The following UNC5D variants were observed in gnomAD, a reference collection of about 807,000 sequenced individuals.
UNC5D encodes netrin receptor UNC5D.
A neutral mutation model predicts 105.4 loss-of-function variants in UNC5D; 39 were observed. The observed-to-expected ratio is 0.37, with a 90% CI of 0.29 to 0.48. The LOEUF (loss-of-function observed/expected upper bound fraction) is 0.48, where lower values mean the gene tolerates loss of function less well. Ranked by LOEUF, UNC5D falls within the 20% of genes least tolerant of loss-of-function variation. The probability of loss-of-function intolerance (pLI) is 0.98; values close to 1 mark genes in which losing one functional copy is unlikely to be tolerated. For missense variants in UNC5D, 991 were observed against 1,202.4 expected, an observed-to-expected ratio of 0.82 and a Z score of 2.60; for synonymous variants, 452 against 450.4, an observed-to-expected ratio of 1.00 and a Z score of -0.04.
chr8:35,326,924 G>A (rs961955038), intron 1 of UNC5D, among the ~76,000 whole-genome samples: 1 of 152,196 alleles, frequency 6.6e-6, no homozygotes, highest in Non-Finnish European at 1.5e-5. Context: ...GATACAAAAA[G>A]AAGGAAGGGT....
intron 14 of UNC5D, among the ~76,000 whole-genome samples, chr8:35,766,304 T>G (rs1349273020): frequency 2.0e-5 from 3 of 152,082 alleles, no homozygotes; most frequent in Admixed American, 6.5e-5. Flanking sequence ...GCCCTGTATG[T>G]GTCTGTCTGT....
chr8:35,588,574 T>G (rs1360819578), intron 3 of UNC5D, among the ~76,000 whole-genome samples: 1 of 152,200 alleles, frequency 6.6e-6, no homozygotes, highest in Non-Finnish European at 1.5e-5. Context: ...CTCTTAATTG[T>G]TTGTTTAATA....
chr8:35,416,215 A>G (rs1351318871), intron 1 of UNC5D, among the ~76,000 whole-genome samples: 1 of 152,090 alleles, frequency 6.6e-6, no homozygotes, highest in African/African-American at 2.4e-5. Flanking sequence ...AAGCATAACC[A>G]TAGGGAGACT....
rs76271318 is a variant in UNC5D at position 35,690,536 on chromosome 8, G to C, written c.1084+3827G>C. ...GCCTGTAGTCCCAGCTGCTCTGGAA[G>C]CTGAGGTGTGAGGATGAAGCTGCAG... On this transcript the variant is annotated intron_variant, in intron 7 of 16. Coordinates refer to ENST00000404895, the MANE Select transcript of UNC5D (RefSeq NM_080872.4). Among the ~76,000 whole-genome samples the C allele has an allele frequency of 6.1e-3, 922 of 152,344 alleles. 4 individuals carry two copies. The highest frequency in any genetic ancestry group is 0.021 in the African/African-American group (873 of 41,578).
chr8:35,481,198 C>T (rs1810458197), intron 1 of UNC5D, among the ~76,000 whole-genome samples: 1 of 152,152 alleles, frequency 6.6e-6, no homozygotes, highest in Non-Finnish European at 1.5e-5. Context: ...TGACCTTTAA[C>T]ATTGAATAAA....
chr8:35,288,222 A>G (rs574428146), intron 1 of UNC5D, among the ~76,000 whole-genome samples: 1 of 152,282 alleles, frequency 6.6e-6, no homozygotes, highest in South Asian at 2.1e-4. Context: ...AGCATATCAC[A>G]TTCAAGGGAG....
In UNC5D at chr8:35,632,583, C is replaced by T. The variant is rs143161067; in HGVS notation, c.570+36926C>T. Among the ~76,000 whole-genome samples the T allele has an allele frequency of 1.2e-4, 18 of 152,308 alleles. No individual in the cohort carries two copies. The East Asian group carries it at 1.5e-3, about 13-fold the overall frequency. ...ATCCCTGTGCTGTTGCTGCTGCATG[C>T]GGAGGTAAGAGGAGAAATTGGATTT... On this transcript the variant is annotated intron_variant, in intron 4 of 16. Transcript: ENST00000404895.
At chr8:35,330,198 T>C (rs1338999455) in intron 1 of UNC5D, among the ~76,000 whole-genome samples, 1 of 152,246 alleles carries the variant, frequency 6.6e-6, no homozygotes, top group African/African-American at 2.4e-5. Flanking sequence ...GTACATATTA[T>C]AGTTTCCTTG....
chr8:35,747,068 G>A (rs956142041), intron 11 of UNC5D, among the ~76,000 whole-genome samples: 5 of 152,106 alleles, frequency 3.3e-5, no homozygotes, highest in South Asian at 4.2e-4. Flanking sequence ...TGTTTTGCTC[G>A]TATAGGAAGA....
At position 35,338,290 on chromosome 8, in the gene UNC5D, T is replaced by A. The variant is rs566208678; in HGVS notation, c.103+102403T>A. Among the ~76,000 whole-genome samples, 11 of 152,014 alleles carry A rather than the reference T, an allele frequency of 7.2e-5. No homozygotes were observed. In the South Asian group the frequency reaches 1.0e-3, roughly 14 times the overall value. The stretch of plus-strand genomic sequence containing the variant: ...TCGTCAAATTTGCTATTCTTCAGGG[T>A]TTTTTTTCTTTTATGTTGAACAACT... On this transcript the variant is annotated intron_variant, in intron 1 of 16. Coordinates refer to ENST00000404895, the MANE Select transcript of UNC5D (RefSeq NM_080872.4).
At chr8:35,290,535 C>T (rs1806970609) in intron 1 of UNC5D, among the ~76,000 whole-genome samples, 1 of 151,964 alleles carries the variant, frequency 6.6e-6, no homozygotes, top group African/African-American at 2.4e-5. Flanking sequence ...TACCAAGTTT[C>T]TAATAGACAG....
rs987561908 is a variant in UNC5D, at chr8:35,469,844, A to C, written c.104-79448A>C. ...TTTGTATCTTATGAGAGGAACAAAT[A>C]TCAAAATATGATACAGCTTTAGGTA... On this transcript the variant is annotated intron_variant, in intron 1 of 16. Transcript: ENST00000404895. 5.3e-5 allele frequency among the ~76,000 whole-genome samples: 8 copies of C among 152,306 alleles called. No individual in the cohort carries two copies. The South Asian group carries it at 8.3e-4, about 16-fold the overall frequency.
At chr8:35,611,130 C>T (rs1820653706) in intron 4 of UNC5D, among the ~76,000 whole-genome samples, 1 of 151,604 alleles carries the variant, frequency 6.6e-6, no homozygotes, top group Admixed American at 6.6e-5. Context: ...CTTTAAGAAC[C>T]TTTGATTCTC....
At chr8:35,688,829 G>A (rs1372933206) in intron 7 of UNC5D, among the ~76,000 whole-genome samples, 1 of 152,220 alleles carries the variant, frequency 6.6e-6, no homozygotes, top group Non-Finnish European at 1.5e-5. Context: ...CATGGCCAGT[G>A]TCCATAGGAC....
At chr8:35,401,055 A>G (rs911619385) in intron 1 of UNC5D, among the ~76,000 whole-genome samples, 1 of 152,202 alleles carries the variant, frequency 6.6e-6, no homozygotes, top group African/African-American at 2.4e-5. Context: ...ACATTATATA[A>G]TTATAGCAAT....
chr8:35,659,014 C>T (rs943487887), intron 4 of UNC5D, among the ~76,000 whole-genome samples: 9 of 152,026 alleles, frequency 5.9e-5, no homozygotes, highest in Non-Finnish European at 1.3e-4. Context: ...CATGATAGTC[C>T]ATGTGGCAGT....
rs567477999 is a variant in UNC5D at position 35,608,774 on chromosome 8, C to G, written c.570+13117C>G. The stretch of plus-strand genomic sequence containing the variant: ...ACATGATTTCAATTTTTATAGCTGA[C>G]TGGTATTTCATTGTGTATGTATACA... On this transcript the variant is annotated intron_variant, in intron 4 of 16. Coordinates refer to ENST00000404895, the MANE Select transcript of UNC5D (RefSeq NM_080872.4). 4.0e-5 allele frequency among the ~76,000 whole-genome samples: 6 copies of G among 149,788 alleles called. No homozygotes were observed. The East Asian group carries it at 1.2e-3, about 29-fold the overall frequency.
chr8:35,316,663 A>T (rs2128882009), intron 1 of UNC5D, among the ~76,000 whole-genome samples: 1 of 152,232 alleles, frequency 6.6e-6, no homozygotes, highest in Non-Finnish European at 1.5e-5. Flanking sequence ...GATTTTTGGG[A>T]TGTTTCACGT....
intron 1 of UNC5D, among the ~76,000 whole-genome samples, chr8:35,544,147 G>A (rs981762619): frequency 2.0e-5 from 3 of 152,150 alleles, no homozygotes; most frequent in African/African-American, 7.2e-5. Flanking sequence ...TTAAATGACC[G>A]AATCCGTGTA....
Sources: gnomAD v4.1 joint callset for allele counts (sites outside exome capture counted in the v4.1 genomes callset) on GRCh38, gnomAD v4.1.1 for gene constraint, MANE v1.5 for transcripts, NCBI Gene and HGNC (gene_info 2026-07-23, HGNC 2026-07-21) for gene names.